Variants in EYS observed in about 807,000 individuals in gnomAD.
EYS encodes the protein protein eyes shut homolog.
EYS carries 250 observed loss-of-function variants against 282.1 expected under a neutral mutation model. The observed-to-expected ratio is 0.89, with a 90% CI of 0.80 to 0.98. EYS has a LOEUF of 0.98. Among genes scored for constraint, EYS ranks in the 50% least tolerant of loss-of-function variants. The probability of loss-of-function intolerance (pLI) is 0.00; values close to 1 mark genes in which losing one functional copy is unlikely to be tolerated. For missense variants in EYS, 4,016 were observed against 3,709.0 expected (o/e 1.08, Z -2.15); for synonymous variants, 1,355 against 1,282.9 (o/e 1.06, Z -1.20).
rs1770166492 is a variant in EYS at position 64,037,247 on chromosome 6, AC to A, written c.6725+29090del. On this transcript the variant is annotated intron_variant, in intron 33 of 42. Transcript: ENST00000503581. ...TAGACTGTGGAAAACGGTCCTATTA[AC>A]TTTTTCATTAGTCATTTTTAACCAC... Among the ~76,000 whole-genome samples, 3 of 152,280 alleles carry A rather than the reference AC, an allele frequency of 2.0e-5. No individual in the cohort carries two copies. In the South Asian group the frequency reaches 6.2e-4, roughly 32 times the overall value.
intron 26 of EYS, among the ~76,000 whole-genome samples, chr6:64,440,215 C>T (rs888930651): frequency 6.6e-6 from 1 of 151,932 alleles, no homozygotes; most frequent in East Asian, 1.9e-4. Context: ...AGTTTGCTGT[C>T]TATCACAGGA....
chr6:64,934,968 T>C (rs956399327), intron 15 of EYS, among the ~76,000 whole-genome samples: 1 of 151,886 alleles, frequency 6.6e-6, no homozygotes, highest in East Asian at 1.9e-4. Context: ...GGGCTTATAA[T>C]GTATAAGATA....
intron 14 of EYS, among the ~76,000 whole-genome samples, chr6:64,958,467 G>T (rs1465186536): frequency 3.3e-5 from 5 of 151,964 alleles, no homozygotes; most frequent in African/African-American, 1.2e-4. Context: ...CAATCTTCAG[G>T]CCGGGCGCGG....
At chr6:64,961,055 G>A (rs986305465) in intron 14 of EYS, among the ~76,000 whole-genome samples, 10 of 152,146 alleles carry the variant, frequency 6.6e-5, no homozygotes, top group African/African-American at 2.4e-4. Flanking sequence ...GTCTATCACT[G>A]ATGGTCATTT....
intron 35 of EYS, among the ~76,000 whole-genome samples, chr6:63,888,736 C>A (rs573166965): frequency 1.3e-5 from 2 of 152,308 alleles, no homozygotes; most frequent in African/African-American, 4.8e-5. Context: ...TCTTCTCCCC[C>A]AAAGGATCAC....
In EYS at chr6:63,944,982, A is replaced by G. The variant is rs147762473; in HGVS notation, c.7055+39401T>C. Among the ~76,000 whole-genome samples, 741 of 152,104 alleles carry G rather than the reference A, an allele frequency of 4.9e-3. 9 individuals carry two copies. The highest frequency in any genetic ancestry group is 0.017 in the African/African-American group (705 of 41,486). ...AAAAGAAGTATATTTACACATCAAAACCTTGATCACTTTAGTAAAAAAAAA... is the reference window on the plus strand; with the variant it reads ...AAAAGAAGTATATTTACACATCAAAGCCTTGATCACTTTAGTAAAAAAAAA... On this transcript the variant is annotated intron_variant, in intron 35 of 42. Coordinates refer to ENST00000503581, the MANE Select transcript of EYS (RefSeq NM_001142800.2).
At position 65,056,529 on chromosome 6, in the gene EYS, G is replaced by T. The variant is rs181992116; in HGVS notation, c.2137+1085C>A. 2.4e-3 allele frequency among the ~76,000 whole-genome samples: 358 copies of T among 152,124 alleles called. 2 individuals are homozygous for T. The highest frequency in any genetic ancestry group is 8.3e-3 in the African/African-American group (343 of 41,528). On this transcript the variant is annotated intron_variant, in intron 13 of 42. Transcript: ENST00000503581. ...CACTTAAGCCCAGGAGGCAGAGGCTGCAGTGAGCTACGATAGCACCACTGC... is the reference window on the plus strand; with the variant it reads ...CACTTAAGCCCAGGAGGCAGAGGCTTCAGTGAGCTACGATAGCACCACTGC...
chr6:64,915,775 A>C (rs1768141601), intron 15 of EYS, among the ~76,000 whole-genome samples: 1 of 152,168 alleles, frequency 6.6e-6, no homozygotes, highest in Non-Finnish European at 1.5e-5. Flanking sequence ...AAGCTTTGAA[A>C]TATGTAGAAG....
chr6:64,846,646 T>G (rs751279130), intron 19 of EYS, among the ~76,000 whole-genome samples: 7 of 152,118 alleles, frequency 4.6e-5, no homozygotes, highest in Admixed American at 6.6e-5. Context: ...CTGTTATATA[T>G]TCTCAAAGCA....
chr6:64,571,330 G>T lies in EYS; in HGVS notation c.5644+18893C>A, dbSNP rs115943638. Among the ~76,000 whole-genome samples, 667 of 152,214 alleles carry T rather than the reference G, an allele frequency of 4.4e-3. 4 individuals are homozygous for T. Among genetic ancestry groups the T allele is most frequent in the African/African-American group, 0.015 (615 of 41,534 alleles). On this transcript the variant is annotated intron_variant, in intron 26 of 42. Transcript: ENST00000503581. ...AATGGCCACAGGAGAAAGCAGAAAA[G>T]ATCTAAAATCAATACCCTAACATCA...
intron 33 of EYS, among the ~76,000 whole-genome samples, chr6:64,009,332 G>A (rs944572411): frequency 2.0e-5 from 3 of 149,938 alleles, no homozygotes; most frequent in African/African-American, 7.4e-5. Context: ...CACCCAGGCT[G>A]GAGTGCAGTG....
At chr6:64,805,938 G>C (rs1004192339) in intron 22 of EYS, among the ~76,000 whole-genome samples, 1 of 151,288 alleles carries the variant, frequency 6.6e-6, no homozygotes, top group Admixed American at 6.6e-5. Flanking sequence ...ATCAGAAAAA[G>C]ATTTCATTAT....
At chr6:65,521,145 A>G (rs777050586) in intron 2 of EYS, among the ~76,000 whole-genome samples, 2 of 152,204 alleles carry the variant, frequency 1.3e-5, no homozygotes, top group African/African-American at 2.4e-5. Flanking sequence ...TTATTCTCAC[A>G]TAATTAGATG....
intron 31 of EYS, among the ~76,000 whole-genome samples, chr6:64,168,582 T>C (rs936889942): frequency 6.6e-5 from 10 of 152,154 alleles, no homozygotes; most frequent in African/African-American, 2.2e-4. Flanking sequence ...TACCATAGAA[T>C]ACTACTCAGC....
chr6:64,709,406 A>T (rs921799690), intron 22 of EYS, among the ~76,000 whole-genome samples: 1 of 152,142 alleles, frequency 6.6e-6, no homozygotes, highest in African/African-American at 2.4e-5. Flanking sequence ...CAGTTAGATG[A>T]CATTACACCT....
intron 36 of EYS, among the ~76,000 whole-genome samples, chr6:63,855,819 A>T (rs1450272781): frequency 6.6e-6 from 1 of 152,214 alleles, no homozygotes; most frequent in Admixed American, 6.5e-5. Flanking sequence ...CTTGCACATC[A>T]TTTTAAACAG....
intron 29 of EYS, among the ~76,000 whole-genome samples, chr6:64,350,209 T>A (rs1271482497): frequency 6.6e-6 from 1 of 151,462 alleles, no homozygotes; most frequent in Non-Finnish European, 1.5e-5. Context: ...CAGATCCACA[T>A]CTATAATGTT....
At chr6:65,528,315 G>C (rs1435595522) in intron 2 of EYS, among the ~76,000 whole-genome samples, 1 of 152,078 alleles carries the variant, frequency 6.6e-6, no homozygotes, top group Admixed American at 6.5e-5. Flanking sequence ...TACCAACTAG[G>C]TTCTAATGCT....
chr6:63,794,564 G>A (rs187224029), intron 37 of EYS, among the ~76,000 whole-genome samples: 1 of 152,168 alleles, frequency 6.6e-6, no homozygotes, highest in Admixed American at 6.5e-5. Flanking sequence ...GGACGTTCTT[G>A]GCTTAACAGC....
Sources: gnomAD v4.1 joint callset for allele counts (sites outside exome capture counted in the v4.1 genomes callset) on GRCh38, gnomAD v4.1.1 for gene constraint, MANE v1.5 for transcripts, NCBI Gene and HGNC (gene_info 2026-07-23, HGNC 2026-07-21) for gene names.